The following C13orf46 variants were observed in gnomAD, a reference collection of about 807,000 sequenced individuals.
C13orf46 encodes the protein chromosome 13 open reading frame 46.
chr13:113,938,220 T>A, the C13orf46 span, among the ~76,000 whole-genome samples: 1 of 152,216 alleles, frequency 6.6e-6, no homozygotes, highest in Non-Finnish European at 1.5e-5. Flanking sequence ...ATAAAAGTGC[T>A]TTTCTTTTCT....
chr13:113,964,600 C>T (rs960201725), intron 6 of C13orf46, among the ~76,000 whole-genome samples: 2 of 152,240 alleles, frequency 1.3e-5, no homozygotes, highest in East Asian at 1.9e-4. Context: ...CCTCTCCCCC[C>T]TCCTTCCTCC....
At chr13:113,964,189 A>T (rs2052615196) in intron 6 of C13orf46, among the ~76,000 whole-genome samples, 2 of 152,228 alleles carry the variant, frequency 1.3e-5, no homozygotes, top group Admixed American at 1.3e-4. Context: ...TTCATCCTTT[A>T]AAAAAATCTG....
At chr13:113,928,491 G>A in the C13orf46 span, 1 of 152,344 alleles carries the variant, frequency 6.6e-6, no homozygotes, top group Non-Finnish European at 1.5e-5. Context: ...GGGAGAGAGA[G>A]GGGAACAGCG....
At chr13:113,966,135 GTGA>G (rs1417775089) in intron 5 of C13orf46, among the ~76,000 whole-genome samples, 16 of 141,748 alleles carry the variant, frequency 1.1e-4, no homozygotes, top group African/African-American at 3.0e-4. Flanking sequence ...GATTATAATG[GTGA>G]TGATGACAAT....
chr13:113,947,318 T>C, the C13orf46 span, among the ~76,000 whole-genome samples: 246 of 152,268 alleles, frequency 1.6e-3, 2 homozygotes, highest in African/African-American at 5.6e-3. Context: ...TACTGGCTGC[T>C]GCCAGGGCAG....
the C13orf46 span, among the ~76,000 whole-genome samples, chr13:113,934,657 G>A: frequency 5.9e-5 from 9 of 152,344 alleles, no homozygotes; most frequent in African/African-American, 1.7e-4. Context: ...GCAAGTGCTC[G>A]AGGCCTGCCT....
At chr13:113,948,340 T>C in the C13orf46 span, among the ~76,000 whole-genome samples, 7 of 152,354 alleles carry the variant, frequency 4.6e-5, no homozygotes, top group East Asian at 1.2e-3. Flanking sequence ...TTATTGTTCT[T>C]GACATCAAAA....
At position 113,955,010 on chromosome 13, in the gene C13orf46, T is replaced by TCTGGCAGAGAGGAGGAGG. The variant is rs1421612815; in HGVS notation, c.*1762_*1763insCCTCCTCCTCTCTGCCAG. On this transcript the variant is annotated 3_prime_UTR_variant, in exon 7 of 7. Transcript: ENST00000636427. ...AGGAGGATCTGGCAGAGAGGAGGAG[T>TCTGGCAGAGAGGAGGAGG]AGGATCTGGCGGAGAGGAGGAGTAG... 0.044 allele frequency: 2,699 copies of TCTGGCAGAGAGGAGGAGG among 61,968 alleles called. 139 individuals are homozygous for TCTGGCAGAGAGGAGGAGG. Among genetic ancestry groups the TCTGGCAGAGAGGAGGAGG allele is most frequent in the African/African-American group, 0.11 (2,542 of 23,424 alleles). 3.8% of individuals were successfully genotyped at this position (61,968 alleles called of 1,614,324 possible).
downstream of C13orf46, among the ~76,000 whole-genome samples, chr13:113,951,070 A>G (rs1368652739): frequency 6.6e-6 from 1 of 152,226 alleles, no homozygotes; most frequent in African/African-American, 2.4e-5. Flanking sequence ...GGGGCTCTCT[A>G]GGCTGAGGCC....
rs1202338288 is a variant in C13orf46 at position 113,954,463 on chromosome 13, A to T, written c.*2310T>A. The stretch of plus-strand genomic sequence containing the variant: ...TAGGAAGACTCCCTCTCCTCCTCTG[A>T]GTGGGGAGCATGTGGCTTCCCTCCA... On this transcript the variant is annotated 3_prime_UTR_variant, in exon 7 of 7. Coordinates refer to ENST00000636427, the MANE Select transcript of C13orf46 (RefSeq NM_001365455.2). 1 of 152,206 alleles carries T rather than the reference A, an allele frequency of 6.6e-6. No homozygotes were observed. The highest frequency in any genetic ancestry group is 1.5e-5 in the Non-Finnish European group (1 of 68,080). The allele number at this position is 152,206 out of a possible 1,614,324, so 9.4% of individuals were successfully genotyped here.
the C13orf46 span, among the ~76,000 whole-genome samples, chr13:113,938,126 C>G: frequency 6.6e-6 from 1 of 152,172 alleles, no homozygotes; most frequent in African/African-American, 2.4e-5. Flanking sequence ...GATGAACATG[C>G]AGCTCAAAGG....
chr13:113,938,143 G>A, the C13orf46 span, among the ~76,000 whole-genome samples: 1 of 152,154 alleles, frequency 6.6e-6, no homozygotes, highest in Non-Finnish European at 1.5e-5. Context: ...AAGGGGGAGT[G>A]GGATGTGGTT....
chr13:113,939,248 C>A, the C13orf46 span, among the ~76,000 whole-genome samples: 1 of 152,218 alleles, frequency 6.6e-6, no homozygotes, highest in South Asian at 2.1e-4. Context: ...CCCCTTCCCC[C>A]CGCCCCGGTG....
the C13orf46 span, among the ~76,000 whole-genome samples, chr13:113,939,982 T>C: frequency 2.0e-5 from 3 of 152,158 alleles, no homozygotes; most frequent in Non-Finnish European, 4.4e-5. Flanking sequence ...CTGTCTGTCA[T>C]GTGTGTGGGC....
Position 113,956,344 on chromosome 13 carries a change from TAGTATCTGGTGGAGAGGAGG to T in C13orf46, c.*409_*428del, listed in dbSNP as rs1389558368. The T allele has an allele frequency of 0.084, 8,980 of 106,610 alleles. 752 individuals are homozygous for T. The highest frequency in any genetic ancestry group is 0.23 in the African/African-American group (5,861 of 25,436). The allele number at this position is 106,610 out of a possible 1,614,324, so 6.6% of individuals were successfully genotyped here. A position where few individuals can be genotyped will look rare whatever the true frequency, so the allele number is the denominator to read the frequency against. ...AGGAGTAGTATCTGGTGGAGAGGAG[TAGTATCTGGTGGAGAGGAGG>T]AGCATCTGGTGGAGAGGAGGAGCAT... On this transcript the variant is annotated 3_prime_UTR_variant, in exon 7 of 7. Coordinates refer to ENST00000636427, the MANE Select transcript of C13orf46 (RefSeq NM_001365455.2).
chr13:113,945,675 A>AGG, the C13orf46 span, among the ~76,000 whole-genome samples: 1 of 138,206 alleles, frequency 7.2e-6, no homozygotes, highest in African/African-American at 2.6e-5. Flanking sequence ...AAAGAAAGGA[A>AGG]AGAAAAACAA....
chr13:113,971,207 G>A (rs984776574), intron 1 of C13orf46, among the ~76,000 whole-genome samples: 7 of 152,184 alleles, frequency 4.6e-5, no homozygotes, highest in Non-Finnish European at 1.0e-4. Context: ...CCCTTGGCCC[G>A]GGATTCAAAT....
the C13orf46 span, among the ~76,000 whole-genome samples, chr13:113,930,640 G>T: frequency 6.6e-6 from 1 of 152,178 alleles, no homozygotes; most frequent in Non-Finnish European, 1.5e-5. Flanking sequence ...ATTCCTCATG[G>T]CTCCCATCAT....
chr13:113,945,418 C>T, the C13orf46 span, among the ~76,000 whole-genome samples: 1 of 151,686 alleles, frequency 6.6e-6, no homozygotes, highest in Admixed American at 6.6e-5. Context: ...GATGGTGGGC[C>T]CCTGCAGTCC....
Sources: allele counts gnomAD v4.1 joint callset (sites outside exome capture counted in the v4.1 genomes callset), GRCh38; gene constraint gnomAD v4.1.1; transcripts MANE v1.5; gene names NCBI Gene and HGNC (gene_info 2026-07-23, HGNC 2026-07-21).